ZNF175: variants seen among roughly 807,000 people sequenced by gnomAD.
ZNF175 encodes the protein zinc finger protein OTK18.
ZNF175 carries 8 observed loss-of-function variants against 14.0 expected under a neutral mutation model. The observed-to-expected ratio is 0.57, with a 90% CI of 0.34 to 1.03. The LOEUF (loss-of-function observed/expected upper bound fraction) is 1.03, where lower values mean the gene tolerates loss of function less well. Ranked by LOEUF, ZNF175 falls within the 50% of genes least tolerant of loss-of-function variation. The pLI is 0.03. For synonymous variants in ZNF175, 255 were observed against 296.8 expected (o/e 0.86, Z 1.45); for missense variants, 764 against 849.5 (o/e 0.90, Z 1.25).
chr19:51,578,821 A>G (rs553434560), intron 2 of ZNF175, among the ~76,000 whole-genome samples: 4 of 152,160 alleles, frequency 2.6e-5, no homozygotes, highest in Admixed American at 6.5e-5. Context: ...ATACTCCTTC[A>G]GAAACACAGA....
intron 2 of ZNF175, among the ~76,000 whole-genome samples, chr19:51,579,844 A>C (rs1388024586): frequency 6.6e-6 from 1 of 152,180 alleles, no homozygotes; most frequent in Non-Finnish European, 1.5e-5. Context: ...GCTATTGAGC[A>C]CTTGAATGCG....
At chr19:51,582,555 C>T (rs1200613469) in intron 4 of ZNF175, among the ~76,000 whole-genome samples, 1 of 152,188 alleles carries the variant, frequency 6.6e-6, no homozygotes, top group African/African-American at 2.4e-5. Flanking sequence ...CCTCGGCCTC[C>T]CAAAGTGCTG....
chr19:51,587,197 C>T lies in ZNF175; in HGVS notation c.866C>T (p.Thr289Ile). 6.2e-7 allele frequency: 1 copy of T among 1,614,146 alleles called. No homozygotes were observed. The highest frequency in any genetic ancestry group is 1.6e-4 in the Middle Eastern group (1 of 6,062). ...TGTTCTGAATGTGGGGGGAGCTTCA[C>T]CCAGAAGTCACACCTCTTTGCCCAA... is the stretch of plus-strand genomic sequence containing the variant. ...DGCSECGGSF[T>I]QKSHLFAQQR... is the part of the protein sequence containing the mutation. Residue 289 changes from threonine to isoleucine, a missense_variant, in exon 5 of 5, where the codon ACC becomes ATC. Coordinates refer to ENST00000262259, the MANE Select transcript of ZNF175 (RefSeq NM_007147.4).
chr19:51,579,251 CAAAAAA>C (rs34198978), intron 2 of ZNF175, among the ~76,000 whole-genome samples: 3 of 58,102 alleles, frequency 5.2e-5, no homozygotes, highest in East Asian at 6.2e-4. Context: ...GACTCCATCT[CAAAAAA>C]AAAAAAAAAA....
In ZNF175 at chr19:51,573,283, G is replaced by T; in HGVS notation, c.-47G>T. The T allele has an allele frequency of 6.3e-7, 1 of 1,599,276 alleles. No individual in the cohort carries two copies. Among genetic ancestry groups the T allele is most frequent in the Non-Finnish European group, 8.6e-7 (1 of 1,168,880 alleles). ...ATCCAGCTTCTGGCTCCTGGGAAAA[G>T]TGGAGTTGTCAGCAAGAGAGACCGA... On this transcript the variant is annotated 5_prime_UTR_variant, in exon 2 of 5. Coordinates refer to ENST00000262259, the MANE Select transcript of ZNF175 (RefSeq NM_007147.4).
chr19:51,571,508 A>G (rs3752129), intron 1 of ZNF175, 33 bp downstream of exon 1: 106,989 of 150,874 alleles, frequency 0.71, 38,554 homozygotes, highest in Non-Finnish European at 0.75. Flanking sequence ...CTGAGCGATG[A>G]GGGGTTTCTG....
intron 2 of ZNF175, among the ~76,000 whole-genome samples, chr19:51,578,690 C>T (rs1981892339): frequency 6.6e-6 from 1 of 152,186 alleles, no homozygotes; most frequent in African/African-American, 2.4e-5. Flanking sequence ...ATCACTTGAG[C>T]CCGGAGGTCG....
At position 51,587,895 on chromosome 19, in the gene ZNF175, C is replaced by T; in HGVS notation, c.1564C>T (p.Gln522Ter). The T allele has an allele frequency of 1.2e-6, 2 of 1,614,114 alleles. No individual in the cohort carries two copies. The highest frequency in any genetic ancestry group is 2.2e-5 in the South Asian group (2 of 91,086). The change falls in exon 5 of 5, where the codon CAG (glutamine) becomes TAG (stop). Residue 522 changes from glutamine (Q) to a stop codon, truncating the protein, a stop_gained. Transcript: ENST00000262259. LOFTEE classifies it low-confidence loss of function (END_TRUNC). ...CCAAAAGTCACACCTGAATATACAC[C>T]AGAAAATTCATACTGGAGAAAGACA... ...FTQKSHLNIH[Q>*]KIHTGERHHV...
chr19:51,572,030 T>C (rs896600704), intron 1 of ZNF175, among the ~76,000 whole-genome samples: 15 of 152,168 alleles, frequency 9.9e-5, no homozygotes, highest in African/African-American at 3.1e-4. Context: ...GGTGGGTCAG[T>C]GTTGGCCTCT....
rs745796660 is a variant in ZNF175 at position 51,588,189 on chromosome 19, T to C, written c.1858T>C (p.Cys620Arg). Residue 620 changes from cysteine to arginine, a missense_variant, in exon 5 of 5, where the codon TGT becomes CGT. Transcript: ENST00000262259. ...AGAGAGGCCTTTTGTCTGTTACAAATGTGGGAAGGCTTTTGTCCAGAAATC... is the reference window on the plus strand; with the variant it reads ...AGAGAGGCCTTTTGTCTGTTACAAACGTGGGAAGGCTTTTGTCCAGAAATC... ...TRERPFVCYK[C>R]GKAFVQKSEL... 3.1e-6 allele frequency: 5 copies of C among 1,614,026 alleles called. No homozygotes were observed. The East Asian group carries it at 1.1e-4, about 36-fold the overall frequency.
At chr19:51,581,979 C>T (rs1007500485) in intron 4 of ZNF175, 97 bp downstream of exon 4, 4 of 1,137,004 alleles carry the variant, frequency 3.5e-6, no homozygotes, top group African/African-American at 1.5e-5. Flanking sequence ...CCAGTGATGG[C>T]CCGTAGATTG....
At position 51,586,860 on chromosome 19, in the gene ZNF175, G is replaced by T. The variant is rs1982181162; in HGVS notation, c.529G>T (p.Asp177Tyr). Residue 177 changes from aspartate to tyrosine, a missense_variant, in exon 5 of 5, where the codon GAC (aspartate) becomes TAC (tyrosine). Asp to Tyr is a radical substitution (Grantham distance 160). Transcript: ENST00000262259. Reference protein sequence around the residue: ...LNTESNCEYKDPGKMIRTRPH... With the variant: ...LNTESNCEYKYPGKMIRTRPH... ...CACAGAAAGCAATTGTGAATATAAG[G>T]ACCCTGGGAAAATGATTCGCACGAG... is the stretch of plus-strand genomic sequence containing the variant. 6.2e-6 allele frequency: 10 copies of T among 1,614,138 alleles called. No homozygotes were observed. Among genetic ancestry groups the T allele is most frequent in the African/African-American group, 1.3e-5 (1 of 75,006 alleles).
Position 51,592,475 on chromosome 19 carries a change from A to T in ZNF175, c.*4008A>T. On this transcript the variant is annotated 3_prime_UTR_variant, in exon 5 of 5. Transcript: ENST00000262259. ...AATGATTCAACAAACATGGAATTTC[A>T]TTAAATCTGAAATAAAGGTATTTTG... 3 of 557,450 alleles carry T rather than the reference A, an allele frequency of 5.4e-6. No homozygotes were observed. In the South Asian group the frequency reaches 7.7e-5, roughly 14 times the overall value. 34.5% of individuals were successfully genotyped at this position (557,450 alleles called of 1,614,324 possible).
chr19:51,586,930 T>C lies in ZNF175; in HGVS notation c.599T>C (p.Leu200Ser). Residue 200 changes from leucine (L) to serine (S), a missense_variant, in exon 5 of 5, where the codon TTA (leucine) becomes TCA (serine). Physicochemically the swap from Leu to Ser is moderately radical, Grantham distance 145. Coordinates refer to ENST00000262259, the MANE Select transcript of ZNF175 (RefSeq NM_007147.4). ...SSQKQPQKCC[L>S]FTESLKLNLE... is the part of the protein sequence containing the mutation. The stretch of plus-strand genomic sequence containing the variant: ...CAGAAACAACCTCAGAAATGTTGCT[T>C]ATTTACAGAAAGTTTGAAGCTGAAC... 6.2e-7 allele frequency: 1 copy of C among 1,614,146 alleles called. No homozygotes were observed. Among genetic ancestry groups the C allele is most frequent in the African/African-American group, 1.3e-5 (1 of 75,024 alleles).
At position 51,588,345 on chromosome 19, in the gene ZNF175, G is replaced by A. The variant is rs1982245633; in HGVS notation, c.2014G>A (p.Val672Met). The change falls in exon 5 of 5, where the codon GTG becomes ATG. Residue 672 changes from valine (V) to methionine (M), a missense_variant. Coordinates refer to ENST00000262259, the MANE Select transcript of ZNF175 (RefSeq NM_007147.4). ...QRIHTGERPY[V>M]CSECGKAFNN... ...AATTCACACGGGAGAAAGACCTTAT[G>A]TGTGTTCTGAATGTGGAAAGGCCTT... The A allele has an allele frequency of 6.2e-7, 1 of 1,614,158 alleles. No individual in the cohort carries two copies. Among genetic ancestry groups the A allele is most frequent in the Non-Finnish European group, 8.5e-7 (1 of 1,180,014 alleles).
chr19:51,589,790 T>G lies in ZNF175; in HGVS notation c.*1323T>G, dbSNP rs894540221. On this transcript the variant is annotated 3_prime_UTR_variant, in exon 5 of 5. Transcript: ENST00000262259. ...CTGCACTGGCAGAATTGAGTAGTTT[T>G]GGCGGAGATCAAATAGCCCCCAAGC... is the stretch of plus-strand genomic sequence containing the variant. 8.8e-6 allele frequency: 5 copies of G among 567,414 alleles called. No individual in the cohort carries two copies. The highest frequency in any genetic ancestry group is 7.5e-5 in the African/African-American group (4 of 53,614). The allele number at this position is 567,414 out of a possible 1,614,324, so 35.1% of individuals were successfully genotyped here. A position where few individuals can be genotyped will look rare whatever the true frequency, so the allele number is the denominator to read the frequency against.
chr19:51,576,980 T>C (rs961481557), intron 2 of ZNF175, among the ~76,000 whole-genome samples: 4 of 152,124 alleles, frequency 2.6e-5, no homozygotes, highest in African/African-American at 7.2e-5. Flanking sequence ...AGGTTGAGGC[T>C]GCAGTGAGCT....
At chr19:51,577,763 A>C (rs998103176) in intron 2 of ZNF175, among the ~76,000 whole-genome samples, 7 of 146,614 alleles carry the variant, frequency 4.8e-5, no homozygotes, top group South Asian at 2.1e-4. Flanking sequence ...TCCCGGGTTC[A>C]CGCCATTCTC....
intron 1 of ZNF175, among the ~76,000 whole-genome samples, chr19:51,572,479 G>A (rs1981626844): frequency 6.6e-6 from 1 of 152,188 alleles, no homozygotes; most frequent in Non-Finnish European, 1.5e-5. Flanking sequence ...TGTGTGTGGT[G>A]TATTATGGAC....
Sources: gnomAD v4.1 joint callset for allele counts (sites outside exome capture counted in the v4.1 genomes callset) on GRCh38, gnomAD v4.1.1 for gene constraint, MANE v1.5 for transcripts, NCBI Gene and HGNC (gene_info 2026-07-23, HGNC 2026-07-21) for gene names.